RASGRF2: variants seen among roughly 807,000 people sequenced by gnomAD.
RASGRF2 encodes the protein ras-specific guanine nucleotide-releasing factor 2.
A neutral mutation model predicts 151.0 loss-of-function variants in RASGRF2; 76 were observed. That is an observed-to-expected ratio of 0.50 (90% CI 0.42 to 0.61). RASGRF2 has a LOEUF of 0.61. Ranked by LOEUF, RASGRF2 falls within the 20% of genes least tolerant of loss-of-function variation. RASGRF2 has a pLI of 0.00. For synonymous variants in RASGRF2, 504 were observed against 566.5 expected, an observed-to-expected ratio of 0.89 and a Z score of 1.57; for missense variants, 1,148 against 1,564.6, an observed-to-expected ratio of 0.73 and a Z score of 4.49.
intron 2 of RASGRF2, among the ~76,000 whole-genome samples, chr5:81,057,176 A>T (rs1229727243): frequency 6.6e-6 from 1 of 152,160 alleles, no homozygotes. Flanking sequence ...TGTCATTATG[A>T]TGTTAGCTGG....
In RASGRF2 at chr5:81,070,452, C is replaced by T. The variant is rs780712139; in HGVS notation, c.544-40C>T. 3 of 1,499,646 alleles carry T rather than the reference C, an allele frequency of 2.0e-6. No individual in the cohort carries two copies. The South Asian group carries it at 3.4e-5, about 17-fold the overall frequency. The allele number at this position is 1,499,646 out of a possible 1,614,324, so 92.9% of individuals were successfully genotyped here. On this transcript the variant is annotated intron_variant, in intron 3 of 26. Coordinates refer to ENST00000265080, the MANE Select transcript of RASGRF2 (RefSeq NM_006909.3). ...TCCTGTGTGTATGGCTATAATCCAG[C>T]ATTTCCCAAATCATGAAATGGACCA...
intron 1 of RASGRF2, among the ~76,000 whole-genome samples, chr5:81,042,126 T>C (rs1472857884): frequency 6.6e-6 from 1 of 152,216 alleles, no homozygotes; most frequent in Non-Finnish European, 1.5e-5. Context: ...TTGGTGATTA[T>C]GAATAAGGCT....
At chr5:81,048,830 T>C (rs1407898396) in intron 2 of RASGRF2, among the ~76,000 whole-genome samples, 1 of 152,196 alleles carries the variant, frequency 6.6e-6, no homozygotes, top group Non-Finnish European at 1.5e-5. Context: ...TACCTTTTTT[T>C]CCTGTATTTT....
In RASGRF2 at chr5:81,085,870, A is replaced by C. The variant is rs912724657; in HGVS notation, c.1230A>C (p.Lys410Asn). Residue 410 changes from lysine to asparagine, a missense_variant, in exon 8 of 27, where the codon AAA becomes AAC. By Grantham distance (94) the Lys-to-Asn change is moderately conservative (BLOSUM62 0). This residue lies in a region of RASGRF2 where 176 missense variants were observed against 309.6 expected (regional missense o/e 0.57). Coordinates refer to ENST00000265080, the MANE Select transcript of RASGRF2 (RefSeq NM_006909.3). ...AHTPHEHVER[K>N]SLEFAKSKLE... ...CACCCCATGAGCATGTGGAAAGGAA[A>C]AGCCTGGAGTTTGCCAAATCAAAGC... 8.6e-5 allele frequency: 138 copies of C among 1,614,006 alleles called. No homozygotes were observed. The highest frequency in any genetic ancestry group is 1.2e-4 in the Non-Finnish European group (136 of 1,180,014).
chr5:81,127,189 G>C, intron 17 of RASGRF2, 26 bp downstream of exon 17: 1 of 1,590,006 alleles, frequency 6.3e-7, no homozygotes, highest in Non-Finnish European at 8.6e-7. Context: ...GCTATGTACA[G>C]ATATGTGACC....
intron 1 of RASGRF2, among the ~76,000 whole-genome samples, chr5:80,999,789 T>C (rs933910497): frequency 6.6e-6 from 1 of 152,228 alleles, no homozygotes; most frequent in Non-Finnish European, 1.5e-5. Flanking sequence ...TATTTTGTTT[T>C]GTTTTTTGTT....
chr5:81,120,761 G>A (rs950786531), intron 15 of RASGRF2, among the ~76,000 whole-genome samples: 1 of 152,212 alleles, frequency 6.6e-6, no homozygotes, highest in South Asian at 2.1e-4. Flanking sequence ...TGCTGGCACA[G>A]TAAAGACAGG....
At chr5:81,002,340 T>C (rs1009687856) in intron 1 of RASGRF2, among the ~76,000 whole-genome samples, 1 of 152,242 alleles carries the variant, frequency 6.6e-6, no homozygotes, top group Non-Finnish European at 1.5e-5. Context: ...GTGCTTTGTT[T>C]TGATCGAAGT....
intron 3 of RASGRF2, 28 bp from the exon 4 acceptor site, chr5:81,070,464 C>A (rs749684744): frequency 6.5e-7 from 1 of 1,534,914 alleles, no homozygotes; most frequent in East Asian, 2.2e-5. Context: ...TTTCCCAAAT[C>A]ATGAAATGGA....
intron 17 of RASGRF2, among the ~76,000 whole-genome samples, chr5:81,163,046 C>T (rs1754424576): frequency 6.6e-6 from 1 of 152,082 alleles, no homozygotes; most frequent in South Asian, 2.1e-4. Context: ...CTCAAGAAGA[C>T]ATCAAATTAG....
At chr5:81,208,639 C>T (rs1252656203) in intron 22 of RASGRF2, among the ~76,000 whole-genome samples, 1 of 144,036 alleles carries the variant, frequency 6.9e-6, no homozygotes, top group Non-Finnish European at 1.5e-5. Context: ...GCAACCTCCA[C>T]CTCCCTGGTT....
Position 81,227,522 on chromosome 5 carries a change from T to C in RASGRF2, c.*1752T>C, listed in dbSNP as rs1756024398. Reference sequence around the variant, plus strand: ...GTTCTCTTTAGTTTCAAATAAGAGGTTGACGCATCTTGATGCATGATGAGA... The same window carrying C: ...GTTCTCTTTAGTTTCAAATAAGAGGCTGACGCATCTTGATGCATGATGAGA... On this transcript the variant is annotated 3_prime_UTR_variant, in exon 27 of 27. Transcript: ENST00000265080. The C allele has an allele frequency of 6.6e-6, 1 of 152,182 alleles. No individual in the cohort carries two copies. Among genetic ancestry groups the C allele is most frequent in the Non-Finnish European group, 1.5e-5 (1 of 68,018 alleles). The allele number at this position is 152,182 out of a possible 1,614,324, so 9.4% of individuals were successfully genotyped here.
chr5:81,161,329 A>G (rs1754378700), intron 17 of RASGRF2, among the ~76,000 whole-genome samples: 1 of 152,212 alleles, frequency 6.6e-6, no homozygotes, highest in Non-Finnish European at 1.5e-5. Flanking sequence ...CTAGAGCTGC[A>G]AATTATCTTG....
intron 1 of RASGRF2, among the ~76,000 whole-genome samples, chr5:81,011,240 T>C (rs994698783): frequency 6.6e-6 from 1 of 152,238 alleles, no homozygotes; most frequent in African/African-American, 2.4e-5. Flanking sequence ...TTTTTTTTTA[T>C]TGCCTGTCCT....
chr5:81,079,020 C>G (rs936818724), intron 5 of RASGRF2, among the ~76,000 whole-genome samples: 5 of 152,172 alleles, frequency 3.3e-5, no homozygotes, highest in Non-Finnish European at 5.9e-5. Flanking sequence ...GACATTGCCC[C>G]AAAGCACTCA....
In RASGRF2 at chr5:80,960,877, T is replaced by A; in HGVS notation, c.139T>A (p.Tyr47Asn). The change falls in exon 1 of 27, where the codon TAC (tyrosine) becomes AAC (asparagine). Residue 47 changes from tyrosine (Y) to asparagine (N), a missense_variant. Physicochemically the swap from Tyr to Asn is moderately radical, Grantham distance 143 (BLOSUM62 -2). Coordinates refer to ENST00000265080, the MANE Select transcript of RASGRF2 (RefSeq NM_006909.3). The surrounding 1 kb of genome is among the most constrained non-coding windows in gnomAD (Gnocchi z 5.5). The part of the protein sequence containing the change: ...SRWHEKWFAL[Y>N]QNVLFYFEGE... Reference sequence around the variant, plus strand: ...CTGGCACGAGAAGTGGTTCGCCCTCTACCAGAATGTGCTCTTCTACTTCGA... The same window carrying A: ...CTGGCACGAGAAGTGGTTCGCCCTCAACCAGAATGTGCTCTTCTACTTCGA... 6.2e-7 allele frequency: 1 copy of A among 1,613,334 alleles called. No individual in the cohort carries two copies. The highest frequency in any genetic ancestry group is 8.5e-7 in the Non-Finnish European group (1 of 1,179,528).
At chr5:81,073,097 T>C in intron 4 of RASGRF2, 102 bp from the exon 5 acceptor site, 1 of 1,374,764 alleles carries the variant, frequency 7.3e-7, no homozygotes, top group South Asian at 1.4e-5. Context: ...GAGGTTATCA[T>C]GTTTTCTGCA....
At chr5:81,045,524 T>G (rs1750808343) in intron 2 of RASGRF2, among the ~76,000 whole-genome samples, 2 of 152,204 alleles carry the variant, frequency 1.3e-5, no homozygotes, top group African/African-American at 4.8e-5. Context: ...GAGACAGACT[T>G]TAGAAACCAC....
intron 1 of RASGRF2, among the ~76,000 whole-genome samples, chr5:81,016,077 A>G (rs1312438508): frequency 6.6e-6 from 1 of 152,194 alleles, no homozygotes; most frequent in East Asian, 1.9e-4. Context: ...GAAGCTGACG[A>G]GAGTTGGCTA....
Sources: gnomAD v4.1 joint callset for allele counts (sites outside exome capture counted in the v4.1 genomes callset) on GRCh38, gnomAD v4.1.1 for gene constraint, gnomAD v4.1.1 regional missense constraint, Gnocchi (gnomAD v3.1) non-coding constraint, MANE v1.5 for transcripts, NCBI Gene and HGNC (gene_info 2026-07-23, HGNC 2026-07-21) for gene names.